Variants in ACAD9 observed in about 807,000 individuals in gnomAD.
ACAD9 encodes acyl-CoA dehydrogenase family member 9.
ACAD9 carries 53 observed loss-of-function variants against 70.2 expected under a neutral mutation model. That is an observed-to-expected ratio of 0.75 (90% confidence interval 0.61 to 0.95). The LOEUF (loss-of-function observed/expected upper bound fraction) is 0.95. Among genes scored for constraint, ACAD9 ranks in the 40% least tolerant of loss-of-function variants. ACAD9 has a pLI of 0.00. For missense variants in ACAD9, 777 were observed against 802.8 expected (o/e 0.97, Z 0.39); for synonymous variants, 313 against 312.1 (o/e 1.00, Z -0.03).
chr3:128,896,376 AAC>A (rs1935570371), intron 4 of ACAD9, 58 bp from the exon 5 acceptor site: 1 of 1,521,234 alleles, frequency 6.6e-7, no homozygotes, highest in African/African-American at 1.4e-5. Context: ...ATGTTTCACA[AAC>A]ACCTCATGCT....
chr3:128,884,467 G>A (rs927067006), intron 1 of ACAD9, among the ~76,000 whole-genome samples, 186 bp from the exon 2 acceptor site: 1 of 152,168 alleles, frequency 6.6e-6, no homozygotes, highest in East Asian at 1.9e-4. Flanking sequence ...TGTGGGTGGT[G>A]GAGCCTGCAC....
chr3:128,880,071 A>T, intron 1 of ACAD9: 1 of 1,495,554 alleles, frequency 6.7e-7, no homozygotes. Flanking sequence ...GACGTGTTCC[A>T]GCTAAATTTT....
At chr3:128,908,422 GCTT>G in intron 13 of ACAD9, 158 bp downstream of exon 13, 9 of 861,674 alleles carry the variant, frequency 1.0e-5, no homozygotes, top group Non-Finnish European at 1.7e-5. Context: ...GTAGTGGGGG[GCTT>G]GCTGCCCAGG....
Position 128,899,453 on chromosome 3 carries a change from G to T in ACAD9, c.800G>T (p.Gly267Val), listed in dbSNP as rs764896398. 1 of 1,613,932 alleles carries T rather than the reference G, an allele frequency of 6.2e-7. No homozygotes were observed. Among genetic ancestry groups the T allele is most frequent in the Non-Finnish European group, 8.5e-7 (1 of 1,179,988 alleles). The stretch of plus-strand genomic sequence containing the variant: ...CCCGAAGATAAATTAGGCATTCGGG[G>T]CTCCAACAGTAAGTAGCTCCTGTGC... ...GKPEDKLGIRGSNTCEVHFEN... is the reference protein window; with the variant it reads ...GKPEDKLGIRVSNTCEVHFEN... The change falls in exon 7 of 18, where the codon GGC becomes GTC. Residue 267 changes from glycine to valine, a missense_variant. By Grantham distance (109) the Gly-to-Val change is moderately radical (BLOSUM62 -3). Coordinates refer to ENST00000308982, the MANE Select transcript of ACAD9 (RefSeq NM_014049.5).
At chr3:128,904,803 C>G (rs956530922) in intron 11 of ACAD9, among the ~76,000 whole-genome samples, 12 of 152,088 alleles carry the variant, frequency 7.9e-5, no homozygotes, top group Admixed American at 6.5e-5. Flanking sequence ...TTCTTTTTTC[C>G]TTAGTTTATG....
chr3:128,884,827 T>C, intron 2 of ACAD9, 81 bp downstream of exon 2: 1 of 1,098,142 alleles, frequency 9.1e-7, no homozygotes, highest in Non-Finnish European at 1.4e-6. Context: ...GTGACATACA[T>C]AGGAGAAGTC....
intron 16 of ACAD9, 108 bp downstream of exon 16, chr3:128,910,257 T>G: frequency 6.4e-7 from 1 of 1,562,534 alleles, no homozygotes; most frequent in Admixed American, 1.8e-5. Flanking sequence ...GGGGAGGCTG[T>G]GCAGGTTCAC....
At chr3:128,898,348 G>A (rs1368583541) in intron 6 of ACAD9, 1 of 426,870 alleles carries the variant, frequency 2.3e-6, no homozygotes, top group East Asian at 7.3e-5. Context: ...TTTTTTGTTT[G>A]TTTTTGTTTT....
At chr3:128,911,771 A>C (rs1443625004) in intron 17 of ACAD9, among the ~76,000 whole-genome samples, 1 of 152,210 alleles carries the variant, frequency 6.6e-6, no homozygotes, top group Non-Finnish European at 1.5e-5. Context: ...TGCCCGGGGA[A>C]GGCTCACGAA....
intron 2 of ACAD9, among the ~76,000 whole-genome samples, chr3:128,888,662 A>T (rs72973218): frequency 4.6e-4 from 70 of 152,052 alleles, no homozygotes; most frequent in African/African-American, 1.5e-3. Flanking sequence ...AGAAGTGCCA[A>T]ATTGTCAGCT....
At chr3:128,897,986 A>T (rs577140540) in intron 6 of ACAD9, among the ~76,000 whole-genome samples, 2 of 151,858 alleles carry the variant, frequency 1.3e-5, no homozygotes, top group Admixed American at 1.3e-4. Context: ...CCTCCTGGGT[A>T]GCTGGGATTA....
In ACAD9 at chr3:128,879,826, A is replaced by C. The variant is rs778913877; in HGVS notation, c.135A>C (p.Leu45=). 1.2e-6 allele frequency: 2 copies of C among 1,614,006 alleles called. No homozygotes were observed. The highest frequency in any genetic ancestry group is 1.7e-6 in the Non-Finnish European group (2 of 1,179,996). Residue 45 remains leucine, a synonymous_variant, in exon 1 of 18, where the codon CTA becomes CTC. Coordinates refer to ENST00000308982, the MANE Select transcript of ACAD9 (RefSeq NM_014049.5). ...PVRAFAKELF[L]GKIKKKEVFP... ...GAGCTTTCGCCAAAGAGCTTTTCCT[A>C]GGCAAAATCAAGAAGGTAACGCGAG...
At chr3:128,909,521 G>A (rs1316424852) in intron 15 of ACAD9, 100 bp downstream of exon 15, 4 of 1,276,168 alleles carry the variant, frequency 3.1e-6, no homozygotes, top group Non-Finnish European at 4.5e-6. Flanking sequence ...ACCAGGCCTA[G>A]AACAGAAATG....
At position 128,909,386 on chromosome 3, in the gene ACAD9, C is replaced by G; in HGVS notation, c.1528C>G (p.Arg510Gly). ...TGAGGAGAACACCTACTGCTTCGGC[C>G]GGACCGTGGAGACACTGCTGCTCCG... ...KFEENTYCFGRTVETLLLRFG... is the reference protein window; with the variant it reads ...KFEENTYCFGGTVETLLLRFG... Residue 510 changes from arginine (R) to glycine (G), a missense_variant, in exon 15 of 18, where the codon CGG becomes GGG. Arg to Gly is a moderately radical substitution (Grantham distance 125, BLOSUM62 -2). Transcript: ENST00000308982. The G allele has an allele frequency of 6.2e-7, 1 of 1,614,160 alleles. No individual in the cohort carries two copies.
At position 128,908,243 on chromosome 3, in the gene ACAD9, G is replaced by C. The variant is rs745926616; in HGVS notation, c.1337G>C (p.Arg446Pro). 1.2e-6 allele frequency: 2 copies of C among 1,614,120 alleles called. No homozygotes were observed. The highest frequency in any genetic ancestry group is 3.3e-5 in the Admixed American group (2 of 60,028). The stretch of plus-strand genomic sequence containing the variant: ...CTGACGGGTCTGCAGCATGCCGGCC[G>C]CATCCTGACTACCAGGATCCAGTAG... ...IALTGLQHAG[R>P]ILTTRIHELK... The change falls in exon 13 of 18, where the codon CGC (arginine) becomes CCC (proline). Residue 446 changes from arginine (R) to proline (P), a missense_variant. Physicochemically the swap from Arg to Pro is moderately radical, Grantham distance 103 (BLOSUM62 -2). Coordinates refer to ENST00000308982, the MANE Select transcript of ACAD9 (RefSeq NM_014049.5).
At chr3:128,880,147 G>T in intron 1 of ACAD9, 3 of 807,668 alleles carry the variant, frequency 3.7e-6, no homozygotes, top group East Asian at 8.4e-5. Context: ...CAGCTGGTCT[G>T]GTCTGGAAAT....
rs771458840 is a variant in ACAD9 at position 128,893,539 on chromosome 3, A to T, written c.245-16A>T. The T allele has an allele frequency of 4.4e-6, 7 of 1,589,414 alleles. No individual in the cohort carries two copies. The highest frequency in any genetic ancestry group is 3.3e-5 in the Admixed American group (2 of 59,928). On this transcript the variant is annotated splice_polypyrimidine_tract_variant and intron_variant, in intron 2 of 17. Transcript: ENST00000308982. ...CATAGCTTATATTTGTTTAATCAAG[A>T]TTTTCCTCTTGGCAGTGGACTCCCG... is the stretch of plus-strand genomic sequence containing the variant.
chr3:128,886,310 C>T (rs1935243618), intron 2 of ACAD9, among the ~76,000 whole-genome samples: 1 of 151,774 alleles, frequency 6.6e-6, no homozygotes. Flanking sequence ...ACTATGTTGG[C>T]CAGGTTGGTC....
At position 128,910,080 on chromosome 3, in the gene ACAD9, T is replaced by C. The variant is rs371018978; in HGVS notation, c.1623T>C (p.Tyr541=). The C allele has an allele frequency of 1.9e-6, 3 of 1,614,068 alleles. No individual in the cohort carries two copies. The South Asian group carries it at 3.3e-5, about 18-fold the overall frequency. ...TGGCCAACATCCTCATCAACCTGTA[T>C]GGCATGACGGCCGTGCTGTCGCGGG... ...KRVANILINL[Y]GMTAVLSRAS... The change falls in exon 16 of 18, where the codon TAT becomes TAC. Residue 541 remains tyrosine (Y), a synonymous_variant. Coordinates refer to ENST00000308982, the MANE Select transcript of ACAD9 (RefSeq NM_014049.5).
Sources: allele counts gnomAD v4.1 joint callset (sites outside exome capture counted in the v4.1 genomes callset), GRCh38; gene constraint gnomAD v4.1.1; transcripts MANE v1.5; gene names NCBI Gene and HGNC (gene_info 2026-07-23, HGNC 2026-07-21).